Variants in CAST observed in about 807,000 individuals in gnomAD.
CAST encodes the protein MIR583 host.
CAST carries 76 observed loss-of-function variants against 119.6 expected under a neutral mutation model. That is an observed-to-expected ratio of 0.64 (90% CI 0.53 to 0.77). CAST has a LOEUF of 0.77. Ranked by LOEUF, CAST falls within the 30% of genes least tolerant of loss-of-function variation. The pLI, the probability that CAST is intolerant of heterozygous loss-of-function variation, is 0.00. For missense variants in CAST, 953 were observed against 946.5 expected (o/e 1.01, Z -0.09); for synonymous variants, 319 against 331.6 (o/e 0.96, Z 0.41).
At chr5:96,309,650 C>G in the CAST span, among the ~76,000 whole-genome samples, 2 of 152,166 alleles carry the variant, frequency 1.3e-5, no homozygotes, top group African/African-American at 2.4e-5. Flanking sequence ...GTATCTGAGC[C>G]GGAGTGTACT....
chr5:96,272,411 A>G, the CAST span, among the ~76,000 whole-genome samples: 1 of 152,222 alleles, frequency 6.6e-6, no homozygotes, highest in African/African-American at 2.4e-5. Flanking sequence ...TATACACAAT[A>G]GAATATTATT....
At chr5:96,334,637 T>C in the CAST span, among the ~76,000 whole-genome samples, 1 of 152,168 alleles carries the variant, frequency 6.6e-6, no homozygotes, top group African/African-American at 2.4e-5. Context: ...CAGGTATGAA[T>C]ATAGCCACAC....
At chr5:96,091,663 G>A in the CAST span, among the ~76,000 whole-genome samples, 1 of 151,780 alleles carries the variant, frequency 6.6e-6, no homozygotes, top group African/African-American at 2.4e-5. Context: ...GCACCATCAC[G>A]CCCAGCTAAT....
At chr5:96,054,154 T>C in the CAST span, among the ~76,000 whole-genome samples, 4 of 152,196 alleles carry the variant, frequency 2.6e-5, no homozygotes, top group African/African-American at 9.6e-5. Context: ...TATTTTAACT[T>C]GTAGTTTTTT....
chr5:96,455,002 A>T, the CAST span, among the ~76,000 whole-genome samples: 354 of 152,368 alleles, frequency 2.3e-3, 3 homozygotes, highest in African/African-American at 8.0e-3. Flanking sequence ...GATAGTGTTA[A>T]AATTTTCCTT....
the CAST span, among the ~76,000 whole-genome samples, chr5:96,429,861 C>T: frequency 1.3e-5 from 2 of 152,100 alleles, no homozygotes; most frequent in Admixed American, 6.5e-5. Flanking sequence ...CAGTAGGAGG[C>T]TAGTGATGCT....
intron 1 of CAST, among the ~76,000 whole-genome samples, chr5:96,648,479 G>A (rs1216468455): frequency 1.3e-5 from 2 of 152,034 alleles, no homozygotes; most frequent in Non-Finnish European, 2.9e-5. Flanking sequence ...TTCAGCACTT[G>A]AATTAATATA....
the CAST span, among the ~76,000 whole-genome samples, chr5:96,442,750 G>A: frequency 3.9e-5 from 6 of 152,138 alleles, no homozygotes; most frequent in South Asian, 2.1e-4. Flanking sequence ...CGTAAGGAGC[G>A]CTGTGAAAAG....
chr5:96,657,600 A>G (rs1050413738), upstream of CAST, among the ~76,000 whole-genome samples: 2 of 152,264 alleles, frequency 1.3e-5, no homozygotes, highest in African/African-American at 4.8e-5. Context: ...CAGAAATAGC[A>G]CATTAAAAAA....
chr5:96,214,827 G>A, the CAST span: 1 of 152,150 alleles, frequency 6.6e-6, no homozygotes, highest in East Asian at 1.9e-4. Context: ...GAGAAGCTCA[G>A]GAAACCATAT....
chr5:96,635,023 A>C (rs1006729073), intron 1 of CAST, among the ~76,000 whole-genome samples: 1 of 152,232 alleles, frequency 6.6e-6, no homozygotes, highest in Non-Finnish European at 1.5e-5. Flanking sequence ...AGAAATTCTC[A>C]GAAGAGTATG....
chr5:96,265,622 C>T, the CAST span, among the ~76,000 whole-genome samples: 1 of 152,150 alleles, frequency 6.6e-6, no homozygotes, highest in Non-Finnish European at 1.5e-5. Context: ...CTTCTTTACT[C>T]AGTCTCTGAT....
At chr5:96,419,445 C>CTA in the CAST span, among the ~76,000 whole-genome samples, 1 of 149,486 alleles carries the variant, frequency 6.7e-6, no homozygotes, top group East Asian at 1.9e-4. Flanking sequence ...CCCTCTCTCT[C>CTA]TCTATATATA....
At chr5:96,511,026 C>T in the CAST span, among the ~76,000 whole-genome samples, 1 of 152,200 alleles carries the variant, frequency 6.6e-6, no homozygotes, top group African/African-American at 2.4e-5. Flanking sequence ...CTTGTGTGGT[C>T]CACACTGTGG....
the CAST span, among the ~76,000 whole-genome samples, chr5:96,050,646 A>AT: frequency 6.6e-6 from 1 of 152,154 alleles, no homozygotes; most frequent in African/African-American, 2.4e-5. Flanking sequence ...TTATTAAGCT[A>AT]TTTGGGGGAG....
the CAST span, among the ~76,000 whole-genome samples, chr5:96,118,252 C>A: frequency 6.6e-6 from 1 of 151,924 alleles, no homozygotes; most frequent in Admixed American, 6.6e-5. Context: ...ACTTCACCTA[C>A]CAGTTAATTG....
the CAST span, among the ~76,000 whole-genome samples, chr5:96,343,246 G>A: frequency 6.6e-6 from 1 of 152,104 alleles, no homozygotes. Context: ...GACCTCAGCT[G>A]TAGATTGCAA....
chr5:96,584,087 AG>A (rs1267542525), intron 1 of CAST, among the ~76,000 whole-genome samples: 2 of 152,216 alleles, frequency 1.3e-5, no homozygotes, highest in Non-Finnish European at 2.9e-5. Flanking sequence ...TTTTGGGACC[AG>A]GGACCAGTTT....
Position 96,662,427 on chromosome 5 carries a change from C to T in CAST, c.5C>T (p.Ser2Phe). The T allele has an allele frequency of 2.1e-6, 3 of 1,444,880 alleles. No homozygotes were observed. Among genetic ancestry groups the T allele is most frequent in the Non-Finnish European group, 2.7e-6 (3 of 1,104,604 alleles). 89.5% of individuals were successfully genotyped at this position (1,444,880 alleles called of 1,614,324 possible). A position where few individuals can be genotyped will look rare whatever the true frequency, so the allele number is the denominator to read the frequency against. The change falls in exon 1 of 32, where the codon TCC becomes TTC. Residue 2 changes from serine to phenylalanine, a missense_variant. Transcript: ENST00000675179. M[S>F]QPGQKPAASP... is the part of the protein sequence containing the mutation. ...AGCGGCCGCAGCGGCCTCGCCATGTCCCAGCCCGGCCAGAAGCCCGCCGCC... is the reference window on the plus strand; with the variant it reads ...AGCGGCCGCAGCGGCCTCGCCATGTTCCAGCCCGGCCAGAAGCCCGCCGCC...
Sources: gnomAD v4.1 joint callset for allele counts (sites outside exome capture counted in the v4.1 genomes callset) on GRCh38, gnomAD v4.1.1 for gene constraint, MANE v1.5 for transcripts, NCBI Gene and HGNC (gene_info 2026-07-23, HGNC 2026-07-21) for gene names.